The following AGFG2 variants were observed in gnomAD, a reference collection of about 807,000 sequenced individuals.
AGFG2 encodes ArfGAP with FG repeats 2, also known as arf-GAP domain and FG repeat-containing protein 2.
In AGFG2, 31 loss-of-function variants were observed where a neutral mutation model predicts 48.0. That is an observed-to-expected ratio of 0.65 (90% CI 0.49 to 0.87). The LOEUF is 0.87. Among genes scored for constraint, AGFG2 ranks in the 40% least tolerant of loss-of-function variants. The pLI is 0.00. For missense variants in AGFG2, 599 were observed against 632.6 expected (o/e 0.95, Z 0.57); for synonymous variants, 229 against 260.8 (o/e 0.88, Z 1.18).
chr7:100,567,618 T>C lies in AGFG2; in HGVS notation c.*2627T>C. On this transcript the variant is annotated 3_prime_UTR_variant, in exon 12 of 12. Transcript: ENST00000300176. ...GGGGCTGAATGTGTGGCTCTGTCCC[T>C]GTGTTGCCTTCCACAGAGGAGCAAG... 1 of 152,722 alleles carries C rather than the reference T, an allele frequency of 6.5e-6. No individual in the cohort carries two copies. Among genetic ancestry groups the C allele is most frequent in the Non-Finnish European group, 1.5e-5 (1 of 68,218 alleles). 9.5% of individuals were successfully genotyped at this position (152,722 alleles called of 1,614,324 possible). A position where few individuals can be genotyped will look rare whatever the true frequency, so the allele number is the denominator to read the frequency against.
intron 1 of AGFG2, among the ~76,000 whole-genome samples, chr7:100,548,020 C>T (rs536586922): frequency 1.3e-5 from 2 of 152,194 alleles, no homozygotes; most frequent in South Asian, 4.1e-4. Flanking sequence ...TTCATTTTTG[C>T]CTTCCCTCAT....
At position 100,553,457 on chromosome 7, in the gene AGFG2, A is replaced by T. The variant is rs2131113184; in HGVS notation, c.542A>T (p.Asp181Val). 3 of 1,610,674 alleles carry T rather than the reference A, an allele frequency of 1.9e-6. No homozygotes were observed. The highest frequency in any genetic ancestry group is 2.5e-6 in the Non-Finnish European group (3 of 1,177,208). Residue 181 changes from aspartate to valine, a missense_variant, in exon 4 of 12, where the codon GAT becomes GTT. Coordinates refer to ENST00000300176, the MANE Select transcript of AGFG2 (RefSeq NM_006076.5). ...AAGCCCCTTCGGACACTTCTGGGTG[A>T]TCCTGCACCGTCTCTCTCAGTTGCT... ...EGKPLRTLLG[D>V]PAPSLSVAAS...
In AGFG2 at chr7:100,562,269, G is replaced by A. The variant is rs750302262; in HGVS notation, c.888G>A (p.Gln296=). The A allele has an allele frequency of 6.2e-7, 1 of 1,613,796 alleles. No individual in the cohort carries two copies. The highest frequency in any genetic ancestry group is 1.7e-5 in the Admixed American group (1 of 60,008). ...TCCACAACTGCCCAGGGAGCAGCCA[G>A]GGGACTCCATTTGGTGCCACTCCCC... ...QAQPTPAGSS[Q]GTPFGATPLA... The change falls in exon 7 of 12, where the codon CAG becomes CAA. Residue 296 remains glutamine (Q), a synonymous_variant. Transcript: ENST00000300176. This position sits in a 1 kb window ranked among gnomAD's most constrained non-coding sequence, Gnocchi z 5.4.
Position 100,554,231 on chromosome 7 carries a change from G to A in AGFG2, c.724G>A (p.Ala242Thr), listed in dbSNP as rs374005428. The A allele has an allele frequency of 6.8e-6, 11 of 1,613,654 alleles. No homozygotes were observed. The highest frequency in any genetic ancestry group is 9.3e-6 in the Non-Finnish European group (11 of 1,179,834). ...CTTTGCTGCACCCCAGATGGCACCAGCTTTTGCTGCATTCCCTGCCTTTGG... is the reference window on the plus strand; with the variant it reads ...CTTTGCTGCACCCCAGATGGCACCAACTTTTGCTGCATTCCCTGCCTTTGG... Reference protein sequence around the residue: ...DPFAAPQMAPAFAAFPAFGGQ... With the variant: ...DPFAAPQMAPTFAAFPAFGGQ... Residue 242 changes from alanine (A) to threonine (T), a missense_variant, in exon 5 of 12, where the codon GCT becomes ACT. Ala to Thr is a moderately conservative substitution (Grantham distance 58). Coordinates refer to ENST00000300176, the MANE Select transcript of AGFG2 (RefSeq NM_006076.5).
chr7:100,556,907 A>AT (rs1800769636), intron 6 of AGFG2, among the ~76,000 whole-genome samples: 1 of 152,134 alleles, frequency 6.6e-6, no homozygotes, highest in Admixed American at 6.5e-5. Context: ...TTTTATATTG[A>AT]TAAAAGTTGG....
chr7:100,554,381 G>C, intron 5 of AGFG2, 123 bp downstream of exon 5: 1 of 1,250,102 alleles, frequency 8.0e-7, no homozygotes, highest in Non-Finnish European at 1.1e-6. Flanking sequence ...GGGTCACTCT[G>C]AAGCAGTGAG....
chr7:100,554,966 A>G (rs1181055071), intron 5 of AGFG2, among the ~76,000 whole-genome samples: 1 of 149,064 alleles, frequency 6.7e-6, no homozygotes, highest in Non-Finnish European at 1.5e-5. Flanking sequence ...AAAAAAATTC[A>G]AGCTCCTTCC....
chr7:100,548,098 TAAAGTAG>T (rs1340871299), intron 1 of AGFG2, among the ~76,000 whole-genome samples: 6 of 152,090 alleles, frequency 3.9e-5, no homozygotes, highest in Non-Finnish European at 7.3e-5. Flanking sequence ...AAAACAATGA[TAAAGTAG>T]GAAGTGGGAA....
At chr7:100,550,073 C>G (rs1002708209) in intron 2 of AGFG2, among the ~76,000 whole-genome samples, 15 of 152,188 alleles carry the variant, frequency 9.9e-5, no homozygotes, top group Admixed American at 5.2e-4. Flanking sequence ...GTTTGGGTAG[C>G]TGAGGTGGGC....
At chr7:100,560,675 G>A (rs1052659806) in intron 6 of AGFG2, among the ~76,000 whole-genome samples, 1 of 152,170 alleles carries the variant, frequency 6.6e-6, no homozygotes, top group Non-Finnish European at 1.5e-5. Context: ...TCAGTGAGAG[G>A]GAGCGGGGCT....
At position 100,562,981 on chromosome 7, in the gene AGFG2, C is replaced by T; in HGVS notation, c.1171+35C>T. On this transcript the variant is annotated intron_variant, in intron 9 of 11. Coordinates refer to ENST00000300176, the MANE Select transcript of AGFG2 (RefSeq NM_006076.5). The surrounding 1 kb of genome is among the most constrained non-coding windows in gnomAD (Gnocchi z 5.4). ...CAGCATGGTCCCTTGTCCTGACCAT[C>T]TGAGACTTCCAAGGCACACATTACC... 1 of 1,572,756 alleles carries T rather than the reference C, an allele frequency of 6.4e-7. No individual in the cohort carries two copies. The highest frequency in any genetic ancestry group is 8.7e-7 in the Non-Finnish European group (1 of 1,145,788).
intron 6 of AGFG2, chr7:100,556,587 C>T (rs1389907089): frequency 7.8e-7 from 1 of 1,289,292 alleles, no homozygotes; most frequent in Non-Finnish European, 1.0e-6. Context: ...TCCACCCTCA[C>T]TGCCAGCCAG....
At chr7:100,563,812 C>T (rs762706989) in intron 9 of AGFG2, 22 bp from the exon 10 acceptor site, 3 of 1,609,852 alleles carry the variant, frequency 1.9e-6, no homozygotes, top group South Asian at 1.1e-5. Flanking sequence ...TTCACCTGAG[C>T]CTCCCGTCTT....
In AGFG2 at chr7:100,566,019, A is replaced by C. The variant is rs1421723187; in HGVS notation, c.*1028A>C. The C allele has an allele frequency of 1.3e-5, 2 of 152,212 alleles. No homozygotes were observed. The highest frequency in any genetic ancestry group is 4.8e-5 in the African/African-American group (2 of 41,284). The allele number at this position is 152,212 out of a possible 1,614,324, so 9.4% of individuals were successfully genotyped here. A position where few individuals can be genotyped will look rare whatever the true frequency, so the allele number is the denominator to read the frequency against. ...AAAACGGCGCCTGTGGTTTTGCTTC[A>C]GGCCACTTTGAGGGGTTGCAGGTCA... On this transcript the variant is annotated 3_prime_UTR_variant, in exon 12 of 12. Coordinates refer to ENST00000300176, the MANE Select transcript of AGFG2 (RefSeq NM_006076.5).
At chr7:100,555,867 A>C in intron 6 of AGFG2, 132 bp downstream of exon 6, 1 of 1,301,730 alleles carries the variant, frequency 7.7e-7, no homozygotes, top group East Asian at 2.4e-5. Context: ...AAGCAGCTCC[A>C]GGAGAGGATG....
intron 2 of AGFG2, 89 bp from the exon 3 acceptor site, chr7:100,550,305 CAA>C (rs61255061): frequency 0.083 from 23,586 of 285,744 alleles, 1 homozygote; most frequent in South Asian, 0.099. Flanking sequence ...GACTCCGTCT[CAA>C]AAAAAAAAAA....
chr7:100,567,221 G>C lies in AGFG2; in HGVS notation c.*2230G>C, dbSNP rs1318786718. 2 of 152,724 alleles carry C rather than the reference G, an allele frequency of 1.3e-5. No homozygotes were observed. The highest frequency in any genetic ancestry group is 3.9e-4 in the East Asian group (2 of 5,184). 9.5% of individuals were successfully genotyped at this position (152,724 alleles called of 1,614,324 possible). On this transcript the variant is annotated 3_prime_UTR_variant, in exon 12 of 12. Transcript: ENST00000300176. ...GCTGACACTAGGAGCTGCTCTCCTT[G>C]GCCGGGGACAGCTCCAGCAGCTCAG...
rs566815465 is a variant in AGFG2, at chr7:100,567,396, T to C, written c.*2405T>C. The C allele has an allele frequency of 6.5e-6, 1 of 152,978 alleles. No homozygotes were observed. The highest frequency in any genetic ancestry group is 6.5e-5 in the Admixed American group (1 of 15,310). The allele number at this position is 152,978 out of a possible 1,614,324, so 9.5% of individuals were successfully genotyped here. On this transcript the variant is annotated 3_prime_UTR_variant, in exon 12 of 12. Coordinates refer to ENST00000300176, the MANE Select transcript of AGFG2 (RefSeq NM_006076.5). ...CGGGGCTAGAGTGACTCACCTGGGC[T>C]CACACCAACTTCTGGCCAATGCAGG...
intron 4 of AGFG2, 114 bp downstream of exon 4, chr7:100,553,614 G>A: frequency 3.9e-6 from 5 of 1,277,644 alleles, no homozygotes; most frequent in Non-Finnish European, 5.3e-6. Context: ...GCTGTGAGTT[G>A]GGTCTCGGCT....
Sources: allele counts gnomAD v4.1 joint callset (sites outside exome capture counted in the v4.1 genomes callset), GRCh38; gene constraint gnomAD v4.1.1; non-coding constraint Gnocchi (gnomAD v3.1); transcripts MANE v1.5; gene names NCBI Gene and HGNC (gene_info 2026-07-23, HGNC 2026-07-21).